Variants in PAXBP1 observed in about 807,000 individuals in gnomAD.
PAXBP1 encodes PAX3 and PAX7 binding protein 1.
Under a neutral mutation model 119.9 loss-of-function variants are expected in PAXBP1, and 44 were observed. The ratio of observed to expected loss-of-function variants is 0.37; its 90% CI spans 0.29 to 0.47. The LOEUF (loss-of-function observed/expected upper bound fraction) is 0.47, where lower values mean the gene tolerates loss of function less well. Ranked by LOEUF, PAXBP1 falls within the 20% of genes least tolerant of loss-of-function variation. The pLI, the probability that PAXBP1 is intolerant of heterozygous loss-of-function variation, is 0.99. For missense variants in PAXBP1, 898 were observed against 1,134.1 expected (o/e 0.79, Z 2.99); for synonymous variants, 393 against 406.6 (o/e 0.97, Z 0.40).
chr21:32,745,015 T>C, intron 12 of PAXBP1, 102 bp from the exon 13 acceptor site: 2 of 1,287,566 alleles, frequency 1.6e-6, no homozygotes, highest in Non-Finnish European at 2.2e-6. Flanking sequence ...ATTTTTCCTC[T>C]TTTTCTACAA....
At position 32,761,945 on chromosome 21, in the gene PAXBP1, A is replaced by G. The variant is rs113791500; in HGVS notation, c.871+151T>C. 9.0e-4 allele frequency: 668 copies of G among 738,706 alleles called. 3 individuals are homozygous for G. The highest frequency in any genetic ancestry group is 8.3e-3 in the African/African-American group (472 of 56,560). 45.8% of individuals were successfully genotyped at this position (738,706 alleles called of 1,614,324 possible). A position where few individuals can be genotyped will look rare whatever the true frequency, so the allele number is the denominator to read the frequency against. On this transcript the variant is annotated intron_variant, in intron 4 of 17. Transcript: ENST00000331923. ...CCCAGCTACTCGAGAGGCTGAGACA[A>G]GGGTGACTGTTTGAGTCCACGAGTC...
At chr21:32,770,898 A>C (rs1362678632) in intron 1 of PAXBP1, among the ~76,000 whole-genome samples, 2 of 152,080 alleles carry the variant, frequency 1.3e-5, no homozygotes, top group African/African-American at 4.8e-5. Flanking sequence ...CTTTTTACAA[A>C]CTCGGCCTTC....
chr21:32,770,630 T>G (rs2044323242), intron 1 of PAXBP1, among the ~76,000 whole-genome samples: 1 of 152,184 alleles, frequency 6.6e-6, no homozygotes, highest in African/African-American at 2.4e-5. Flanking sequence ...AAGAAAAGAT[T>G]TAAGGCTCAT....
At chr21:32,739,520 C>T (rs935058850) in intron 15 of PAXBP1, among the ~76,000 whole-genome samples, 1 of 152,162 alleles carries the variant, frequency 6.6e-6, no homozygotes, top group Non-Finnish European at 1.5e-5. Context: ...ACAATAAATA[C>T]CAGTTCCCAT....
chr21:32,743,327 A>G lies in PAXBP1; in HGVS notation c.2268-13T>C, dbSNP rs2043817702. 3 of 1,505,376 alleles carry G rather than the reference A, an allele frequency of 2.0e-6. No individual in the cohort carries two copies. The highest frequency in any genetic ancestry group is 2.3e-5 in the Admixed American group (1 of 42,662). 93.3% of individuals were successfully genotyped at this position (1,505,376 alleles called of 1,614,324 possible). ...ATTTTCTAAGACACTAAGTAAAAAA[A>G]AGAGAAACATATCATGATCAGATAT... On this transcript the variant is annotated splice_polypyrimidine_tract_variant and intron_variant, in intron 14 of 17. Transcript: ENST00000331923.
At position 32,743,721 on chromosome 21, in the gene PAXBP1, T is replaced by C; in HGVS notation, c.2224A>G (p.Arg742Gly). Residue 742 changes from arginine to glycine, a missense_variant, in exon 14 of 18, where the codon AGA becomes GGA. Transcript: ENST00000331923. ...ATAAATACATCATCATCTAAAGTTC[T>C]TCTCATTCTCAATAAAAGTGCCTTT... ...YLKALLLRMR[R>G]TLDDDVFMPL... The C allele has an allele frequency of 6.3e-7, 1 of 1,594,898 alleles. No individual in the cohort carries two copies. The highest frequency in any genetic ancestry group is 8.6e-7 in the Non-Finnish European group (1 of 1,166,730).
chr21:32,742,782 GTATA>G (rs1438942298), intron 15 of PAXBP1: 2 of 306,394 alleles, frequency 6.5e-6, no homozygotes, highest in Non-Finnish European at 6.4e-6. Context: ...CTTTACCACA[GTATA>G]TTATTAATAA....
chr21:32,740,949 A>G (rs865959589), intron 15 of PAXBP1, among the ~76,000 whole-genome samples: 21 of 152,228 alleles, frequency 1.4e-4, no homozygotes, highest in Admixed American at 2.6e-4. Flanking sequence ...CAAAATACAT[A>G]AACAAATTCC....
chr21:32,762,635 G>C (rs766174840), intron 3 of PAXBP1, among the ~76,000 whole-genome samples: 15 of 151,622 alleles, frequency 9.9e-5, no homozygotes, highest in Non-Finnish European at 1.8e-4. Flanking sequence ...ACAAATAGAA[G>C]TGGCCGGGCA....
At chr21:32,763,751 C>T (rs1042164871) in intron 3 of PAXBP1, among the ~76,000 whole-genome samples, 1 of 151,982 alleles carries the variant, frequency 6.6e-6, no homozygotes, top group Non-Finnish European at 1.5e-5. Flanking sequence ...TTTGGGAGGC[C>T]GAGGCAGGCG....
In PAXBP1 at chr21:32,751,003, G is replaced by A. The variant is rs2043950449; in HGVS notation, c.1637C>T (p.Thr546Ile). 4.3e-6 allele frequency: 7 copies of A among 1,614,050 alleles called. No homozygotes were observed. The East Asian group carries it at 1.6e-4, about 36-fold the overall frequency. ...RTRRRQAREQ[T>I]GKMADHLEGL... Reference sequence around the variant, plus strand: ...TTCAAGGTGATCTGCCATCTTACCGGTTTGTTCTCTGGCTTGTCTACGACG... The same window carrying A: ...TTCAAGGTGATCTGCCATCTTACCGATTTGTTCTCTGGCTTGTCTACGACG... The change falls in exon 10 of 18, where the codon ACC (threonine) becomes ATC (isoleucine). Residue 546 changes from threonine to isoleucine, a missense_variant. Thr to Ile is a moderately conservative substitution (Grantham distance 89). This residue lies in a region of PAXBP1 where 599 missense variants were observed against 852.7 expected (regional missense o/e 0.70). Transcript: ENST00000331923.
chr21:32,751,001 C>A lies in PAXBP1; in HGVS notation c.1639G>T (p.Gly547Cys), dbSNP rs1183420676. The change falls in exon 10 of 18, where the codon GGT (glycine) becomes TGT (cysteine). Residue 547 changes from glycine (G) to cysteine (C), a missense_variant. Gly to Cys is a radical substitution (Grantham distance 159, BLOSUM62 -3). This residue lies in a region of PAXBP1 where 599 missense variants were observed against 852.7 expected (regional missense o/e 0.70). Transcript: ENST00000331923. ...TRRRQAREQT[G>C]KMADHLEGLS... is the part of the protein sequence containing the mutation. ...CCTTCAAGGTGATCTGCCATCTTACCGGTTTGTTCTCTGGCTTGTCTACGA... is the reference window on the plus strand; with the variant it reads ...CCTTCAAGGTGATCTGCCATCTTACAGGTTTGTTCTCTGGCTTGTCTACGA... 1 of 1,613,950 alleles carries A rather than the reference C, an allele frequency of 6.2e-7. No homozygotes were observed. The highest frequency in any genetic ancestry group is 8.5e-7 in the Non-Finnish European group (1 of 1,180,004).
rs1436894953 is a variant in PAXBP1, at chr21:32,764,435, C to A, written c.562G>T (p.Asp188Tyr). 1.9e-6 allele frequency: 3 copies of A among 1,613,786 alleles called. No homozygotes were observed. Among genetic ancestry groups the A allele is most frequent in the Non-Finnish European group, 2.5e-6 (3 of 1,179,844 alleles). Residue 188 changes from aspartate (D) to tyrosine (Y), a missense_variant, in exon 3 of 18, where the codon GAT becomes TAT. By Grantham distance (160) the Asp-to-Tyr change is radical. This residue lies in a region of PAXBP1 where 299 missense variants were observed against 281.4 expected (regional missense o/e 1.06). Transcript: ENST00000331923. ...TCTTCCTCTTTTTCACTTTCCATAT[C>A]CATTTCATCTTCACCATGTTCACTG... ...IISEHGEDEM[D>Y]MESEKEEEKP...
rs192737114 is a variant in PAXBP1, at chr21:32,750,851, G to A, written c.1723+66C>T. The A allele has an allele frequency of 4.7e-3, 5,569 of 1,178,898 alleles. 36 individuals are homozygous for A. Among genetic ancestry groups the A allele is most frequent in the Middle Eastern group, 0.023 (112 of 4,934 alleles). 73.0% of individuals were successfully genotyped at this position (1,178,898 alleles called of 1,614,324 possible). ...ACCATGAAGATTCAAATCATTTCAT[G>A]GTAAAAACCATACCCAAGTAGAAAC... On this transcript the variant is annotated intron_variant, in intron 10 of 17. Coordinates refer to ENST00000331923, the MANE Select transcript of PAXBP1 (RefSeq NM_016631.4).
At chr21:32,738,081 T>G in intron 16 of PAXBP1, 92 bp downstream of exon 16, 5 of 1,283,316 alleles carry the variant, frequency 3.9e-6, no homozygotes, top group Non-Finnish European at 5.2e-6. Flanking sequence ...CAAAGGGGTT[T>G]CATAAAATTC....
At position 32,734,309 on chromosome 21, in the gene PAXBP1, C is replaced by T. The variant is rs764679660; in HGVS notation, c.*641G>A. The T allele has an allele frequency of 3.3e-5, 5 of 152,678 alleles. No homozygotes were observed. The highest frequency in any genetic ancestry group is 6.5e-5 in the Admixed American group (1 of 15,282). 9.5% of individuals were successfully genotyped at this position (152,678 alleles called of 1,614,324 possible). On this transcript the variant is annotated 3_prime_UTR_variant, in exon 18 of 18. Coordinates refer to ENST00000331923, the MANE Select transcript of PAXBP1 (RefSeq NM_016631.4). ...TGAAATTTCTATGTTCCATTTGAAA[C>T]TATGTTGCATATTCATTTAGCATTC...
In PAXBP1 at chr21:32,744,277, GA is replaced by G. The variant is rs1328463759; in HGVS notation, c.2190+514del. On this transcript the variant is annotated intron_variant, in intron 13 of 17. Transcript: ENST00000331923. ...TGATGAGCTAAAAAAAAAAAAAAAA[GA>G]AAAAAAAAAAGGAGGGGGGCGGGGT... is the stretch of plus-strand genomic sequence containing the variant. Among the ~76,000 whole-genome samples, 439 of 107,298 alleles carry G rather than the reference GA, an allele frequency of 4.1e-3. 2 individuals are homozygous for G. The highest frequency in any genetic ancestry group is 0.01 in the African/African-American group (297 of 29,216). 70.4% of individuals were successfully genotyped at this position (107,298 alleles called of 152,430 possible).
intron 1 of PAXBP1, among the ~76,000 whole-genome samples, chr21:32,771,050 G>C (rs1322678679): frequency 6.6e-6 from 1 of 152,234 alleles, no homozygotes; most frequent in African/African-American, 2.4e-5. Context: ...AGGCAGGACA[G>C]GGAACACCGA....
chr21:32,764,381 T>C lies in PAXBP1; in HGVS notation c.616A>G (p.Asn206Asp), dbSNP rs781703166. 14 of 1,613,832 alleles carry C rather than the reference T, an allele frequency of 8.7e-6. No homozygotes were observed. The highest frequency in any genetic ancestry group is 3.3e-5 in the South Asian group (3 of 91,076). The change falls in exon 3 of 18, where the codon AAT (asparagine) becomes GAT (aspartate). Residue 206 changes from asparagine to aspartate, a missense_variant. This residue lies in a region of PAXBP1 where 299 missense variants were observed against 281.4 expected (regional missense o/e 1.06). Transcript: ENST00000331923. ...AGAACATTCAATGAAGATAAAGCAT[T>C]TGAAAAAGCTCCACCAGTCTTTGGC... ...EKPKTGGAFSNALSSLNVLRP... is the reference protein window; with the variant it reads ...EKPKTGGAFSDALSSLNVLRP...
Sources: allele counts gnomAD v4.1 joint callset (sites outside exome capture counted in the v4.1 genomes callset), GRCh38; gene constraint gnomAD v4.1.1; regional missense constraint gnomAD v4.1.1; transcripts MANE v1.5; gene names NCBI Gene and HGNC (gene_info 2026-07-23, HGNC 2026-07-21).